The following PCDHGA3 variants were observed in gnomAD, a reference collection of about 807,000 sequenced individuals.
PCDHGA3 encodes protocadherin gamma-A3.
PCDHGA3 carries 40 observed loss-of-function variants against 58.5 expected under a neutral mutation model. The observed-to-expected ratio is 0.68, with a 90% CI of 0.53 to 0.89. The LOEUF (loss-of-function observed/expected upper bound fraction) is 0.89, where lower values mean the gene tolerates loss of function less well. Ranked by LOEUF, PCDHGA3 falls within the 40% of genes least tolerant of loss-of-function variation. The probability of loss-of-function intolerance (pLI) is 0.00; values close to 1 mark genes in which losing one functional copy is unlikely to be tolerated. For missense variants in PCDHGA3, 1,223 were observed against 1,195.9 expected, an observed-to-expected ratio of 1.02 and a Z score of -0.33; for synonymous variants, 530 against 525.7, an observed-to-expected ratio of 1.01 and a Z score of -0.11.
chr5:141,407,497 G>GTTTTTTTTTTTTTTTTT (rs1554102286), intron 1 of PCDHGA3, among the ~76,000 whole-genome samples: 2 of 151,970 alleles, frequency 1.3e-5, no homozygotes, highest in African/African-American at 4.8e-5. Context: ...CTTTATTTCT[G>GTTTTTTTTTTTTTTTTT]TTTTTCTTAG....
chr5:141,410,843 C>CTTTTTAT, intron 1 of PCDHGA3: 1 of 216,280 alleles, frequency 4.6e-6, no homozygotes. Context: ...GATATTTTGT[C>CTTTTTAT]TTTGTCTTTT....
At chr5:141,423,167 T>C in intron 1 of PCDHGA3, 1 of 1,613,424 alleles carries the variant, frequency 6.2e-7, no homozygotes, top group Non-Finnish European at 8.5e-7. Context: ...GTGGTGGCCG[T>C]CCAGGACCAC....
intron 1 of PCDHGA3, chr5:141,361,685 A>G (rs1554077900): frequency 9.3e-6 from 15 of 1,613,570 alleles, no homozygotes; most frequent in Non-Finnish European, 1.2e-5. Context: ...GTGTTCGCGC[A>G]GCGCGCCTTC....
At chr5:141,488,011 T>C (rs1424799954) in intron 1 of PCDHGA3, among the ~76,000 whole-genome samples, 1 of 152,182 alleles carries the variant, frequency 6.6e-6, no homozygotes, top group Non-Finnish European at 1.5e-5. Context: ...GATTCTGAAG[T>C]ACCTTAACTC....
chr5:141,364,824 A>G, intron 1 of PCDHGA3: 2 of 1,613,612 alleles, frequency 1.2e-6, no homozygotes, highest in Non-Finnish European at 1.7e-6. Context: ...GTGGGTGTGA[A>G]CTCTCTCCGG....
At chr5:141,389,141 C>G (rs919430175) in intron 1 of PCDHGA3, 1 of 1,613,878 alleles carries the variant, frequency 6.2e-7, no homozygotes, top group African/African-American at 1.3e-5. Context: ...ACAATATAAC[C>G]GTTACGGCAA....
chr5:141,370,865 G>A lies in PCDHGA3; in HGVS notation c.2424+24408G>A, dbSNP rs749306291. The A allele has an allele frequency of 1.2e-5, 19 of 1,613,886 alleles. 1 individual carries two copies. The South Asian group carries it at 1.9e-4, about 16-fold the overall frequency. ...GAGCCACATTTGCCCTGGAATCTGC[G>A]CAAGATCCTGATGTAGGTGTCAATT... On this transcript the variant is annotated intron_variant, in intron 1 of 3. Transcript: ENST00000253812.
At chr5:141,371,865 A>C (rs1048560743) in intron 1 of PCDHGA3, 1 of 1,613,506 alleles carries the variant, frequency 6.2e-7, no homozygotes, top group Middle Eastern at 1.6e-4. Context: ...CTCCTACTAC[A>C]TCGTGGCCAG....
Position 141,432,410 on chromosome 5 carries a change from T to C in PCDHGA3, c.2425-62397T>C. On this transcript the variant is annotated intron_variant, in intron 1 of 3. Transcript: ENST00000253812. This position sits in a 1 kb window ranked among gnomAD's most constrained non-coding sequence, Gnocchi z 6.0. The stretch of plus-strand genomic sequence containing the variant: ...CAGCAGCAACGTGTCGTTGAGCCTG[T>C]TCGTGCTGGACCAGAACGACAATGC... 6.2e-7 allele frequency: 1 copy of C among 1,614,228 alleles called. No homozygotes were observed. Among genetic ancestry groups the C allele is most frequent in the East Asian group, 2.2e-5 (1 of 44,884 alleles).
At chr5:141,464,729 G>T (rs1412585185) in intron 1 of PCDHGA3, among the ~76,000 whole-genome samples, 1 of 151,948 alleles carries the variant, frequency 6.6e-6, no homozygotes, top group Non-Finnish European at 1.5e-5. Context: ...ATGTTTAAAA[G>T]CCAGTTTATA....
At chr5:141,427,780 T>C (rs2097069858) in intron 1 of PCDHGA3, 1 of 1,456,004 alleles carries the variant, frequency 6.9e-7, no homozygotes. Flanking sequence ...CTGCGGGCAC[T>C]GTCGTCCTAC....
At chr5:141,393,177 G>T (rs1330463387) in intron 1 of PCDHGA3, 1 of 1,613,292 alleles carries the variant, frequency 6.2e-7, no homozygotes, top group Non-Finnish European at 8.5e-7. Context: ...GGTAGAAATA[G>T]AAATAATTGA....
chr5:141,414,592 G>T, intron 1 of PCDHGA3: 1 of 1,613,920 alleles, frequency 6.2e-7, no homozygotes, highest in Non-Finnish European at 8.5e-7. Flanking sequence ...CGCCAGGGGT[G>T]CCTCCATCTT....
chr5:141,501,228 A>G (rs1054674676), intron 2 of PCDHGA3, among the ~76,000 whole-genome samples: 10 of 149,588 alleles, frequency 6.7e-5, no homozygotes, highest in African/African-American at 2.5e-4. Context: ...TAGATTTCTC[A>G]GTTTTTTGAG....
chr5:141,421,222 C>G, intron 1 of PCDHGA3: 2 of 1,576,946 alleles, frequency 1.3e-6, no homozygotes, highest in Non-Finnish European at 1.7e-6. Flanking sequence ...CGGCTTAGAG[C>G]CTGCCATGGC....
intron 1 of PCDHGA3, among the ~76,000 whole-genome samples, chr5:141,434,767 C>T (rs2097715264): frequency 6.6e-6 from 1 of 151,182 alleles, no homozygotes. Flanking sequence ...CCACTTCACA[C>T]TTCTAAAAAA....
intron 1 of PCDHGA3, chr5:141,422,951 G>C (rs1382138030): frequency 3.7e-6 from 6 of 1,614,236 alleles, no homozygotes; most frequent in South Asian, 3.3e-5. Flanking sequence ...GGCTCCACTG[G>C]CGTGGAGCTG....
In PCDHGA3 at chr5:141,511,352, C is replaced by A. The variant is rs2099883742; in HGVS notation, c.*179C>A. The A allele has an allele frequency of 3.6e-6, 5 of 1,381,248 alleles. No homozygotes were observed. The highest frequency in any genetic ancestry group is 2.7e-4 in the Middle Eastern group (1 of 3,772). 85.6% of individuals were successfully genotyped at this position (1,381,248 alleles called of 1,614,324 possible). ...CAGTCAGCACCTACCCCTTCCCCCCCAGGGGGTTGAATATGCAAAAGCAGT... is the reference window on the plus strand; with the variant it reads ...CAGTCAGCACCTACCCCTTCCCCCCAAGGGGGTTGAATATGCAAAAGCAGT... On this transcript the variant is annotated 3_prime_UTR_variant, in exon 4 of 4. Coordinates refer to ENST00000253812, the MANE Select transcript of PCDHGA3 (RefSeq NM_018916.4).
intron 2 of PCDHGA3, among the ~76,000 whole-genome samples, chr5:141,501,288 T>TAC (rs1562199973): frequency 3.7e-5 from 3 of 81,228 alleles, no homozygotes; most frequent in South Asian, 4.2e-4. Context: ...GATATTCCCT[T>TAC]ATACACACAC....
Sources: allele counts gnomAD v4.1 joint callset (sites outside exome capture counted in the v4.1 genomes callset), GRCh38; gene constraint gnomAD v4.1.1; non-coding constraint Gnocchi (gnomAD v3.1); transcripts MANE v1.5; gene names NCBI Gene and HGNC (gene_info 2026-07-23, HGNC 2026-07-21).